Variants in MYO6 observed in about 807,000 individuals in gnomAD.
The protein encoded by MYO6 is myosin VI.
A neutral mutation model predicts 178.7 loss-of-function variants in MYO6; 74 were observed. That is an observed-to-expected ratio of 0.41 (90% CI 0.34 to 0.50). The LOEUF (loss-of-function observed/expected upper bound fraction) is 0.50. Among genes scored for constraint, MYO6 ranks in the 20% least tolerant of loss-of-function variants. MYO6 has a pLI of 0.09. For missense variants in MYO6, 1,330 were observed against 1,547.4 expected (o/e 0.86, Z 2.36); for synonymous variants, 477 against 504.6 (o/e 0.95, Z 0.73).
intron 1 of MYO6, among the ~76,000 whole-genome samples, chr6:75,753,020 A>G (rs1582958143): frequency 6.6e-6 from 1 of 152,206 alleles, no homozygotes; most frequent in South Asian, 2.1e-4. Flanking sequence ...TTAAATTGTC[A>G]CTTAGAAACT....
chr6:75,773,420 C>G (rs1184766107), intron 1 of MYO6, among the ~76,000 whole-genome samples: 1 of 152,176 alleles, frequency 6.6e-6, no homozygotes, highest in Non-Finnish European at 1.5e-5. Context: ...GTGATTCAGA[C>G]ATGTTTCAAA....
chr6:75,776,320 G>A (rs1301423679), intron 1 of MYO6, among the ~76,000 whole-genome samples: 2 of 152,142 alleles, frequency 1.3e-5, no homozygotes, highest in Non-Finnish European at 2.9e-5. Flanking sequence ...CTCAGAGGTG[G>A]TAAGATTGGG....
chr6:75,907,950 A>C (rs1780467533), intron 31 of MYO6, among the ~76,000 whole-genome samples: 2 of 152,198 alleles, frequency 1.3e-5, no homozygotes, highest in Non-Finnish European at 2.9e-5. Context: ...GTAAAATACT[A>C]TATCCAGAGG....
At chr6:75,777,220 A>G (rs1371618620) in intron 1 of MYO6, among the ~76,000 whole-genome samples, 1 of 152,198 alleles carries the variant, frequency 6.6e-6, no homozygotes, top group Non-Finnish European at 1.5e-5. Context: ...TTAAGGGTAC[A>G]TATCAGAATT....
intron 16 of MYO6, among the ~76,000 whole-genome samples, chr6:75,863,399 A>G (rs1349310570): frequency 6.6e-6 from 1 of 151,946 alleles, no homozygotes; most frequent in East Asian, 1.9e-4. Flanking sequence ...TAGAGAGATT[A>G]GGTAGAGTAA....
chr6:75,776,248 CA>C (rs1245717056), intron 1 of MYO6, among the ~76,000 whole-genome samples: 1 of 150,768 alleles, frequency 6.6e-6, no homozygotes, highest in Non-Finnish European at 1.5e-5. Flanking sequence ...AATATATTGT[CA>C]CTTTTTAAAT....
intron 1 of MYO6, among the ~76,000 whole-genome samples, chr6:75,811,340 T>G (rs1413780056): frequency 6.6e-6 from 1 of 152,240 alleles, no homozygotes; most frequent in Admixed American, 6.5e-5. Context: ...TCAGCTCTCT[T>G]GTGGTTGCTG....
At chr6:75,826,698 C>G (rs1053275468) in intron 3 of MYO6, among the ~76,000 whole-genome samples, 2 of 152,134 alleles carry the variant, frequency 1.3e-5, no homozygotes, top group African/African-American at 4.8e-5. Context: ...GCCTAACCCT[C>G]TCTATATCCT....
At chr6:75,913,294 T>A (rs1422087367) in intron 33 of MYO6, among the ~76,000 whole-genome samples, 4 of 152,284 alleles carry the variant, frequency 2.6e-5, no homozygotes, top group African/African-American at 9.6e-5. Context: ...GAATGAAAGA[T>A]TGATATGAAT....
chr6:75,781,586 C>T (rs925234182), intron 1 of MYO6, among the ~76,000 whole-genome samples: 22 of 152,168 alleles, frequency 1.4e-4, no homozygotes, highest in African/African-American at 4.3e-4. Flanking sequence ...GCATGTGTTT[C>T]CTCCAGTGTC....
Position 75,917,052 on chromosome 6 carries a change from A to G in MYO6, c.*2040A>G, listed in dbSNP as rs1236559418. 1 of 152,314 alleles carries G rather than the reference A, an allele frequency of 6.6e-6. No homozygotes were observed. The highest frequency in any genetic ancestry group is 1.5e-5 in the Non-Finnish European group (1 of 68,052). 9.4% of individuals were successfully genotyped at this position (152,314 alleles called of 1,614,324 possible). ...AATTCAGATAGATTTACAGTAACCTACGTACAGTAGATGCACATACACACA... is the reference window on the plus strand; with the variant it reads ...AATTCAGATAGATTTACAGTAACCTGCGTACAGTAGATGCACATACACACA... On this transcript the variant is annotated 3_prime_UTR_variant, in exon 35 of 35. Coordinates refer to ENST00000369977, the MANE Select transcript of MYO6 (RefSeq NM_004999.4).
intron 2 of MYO6, among the ~76,000 whole-genome samples, chr6:75,820,897 A>G (rs553584881): frequency 4.6e-5 from 7 of 152,200 alleles, no homozygotes; most frequent in African/African-American, 1.7e-4. Flanking sequence ...TCCCTACTAG[A>G]CTATGTAATC....
chr6:75,772,426 A>C (rs1305672667), intron 1 of MYO6, among the ~76,000 whole-genome samples: 2 of 152,132 alleles, frequency 1.3e-5, no homozygotes, highest in East Asian at 3.8e-4. Context: ...TTCGTAGTTC[A>C]ATTAGAAAAC....
chr6:75,857,650 G>A (rs1344423787), intron 13 of MYO6, among the ~76,000 whole-genome samples: 2 of 152,078 alleles, frequency 1.3e-5, no homozygotes, highest in African/African-American at 4.8e-5. Context: ...GTAGAGCTGG[G>A]GATAGGTTGA....
chr6:75,859,384 C>T (rs973868314), intron 14 of MYO6, among the ~76,000 whole-genome samples: 7 of 151,876 alleles, frequency 4.6e-5, no homozygotes, highest in African/African-American at 1.7e-4. Context: ...ACTGCAGCCT[C>T]CGTTTCCCGG....
intron 20 of MYO6, among the ~76,000 whole-genome samples, chr6:75,873,677 C>A (rs1406896408): frequency 6.6e-6 from 1 of 152,204 alleles, no homozygotes; most frequent in Admixed American, 6.5e-5. Context: ...TGAAAACTCT[C>A]TAACAGCAAA....
chr6:75,762,230 C>T (rs1778017495), intron 1 of MYO6, among the ~76,000 whole-genome samples: 3 of 152,182 alleles, frequency 2.0e-5, no homozygotes. Context: ...CCACTGTGCC[C>T]CCGGCCATAA....
chr6:75,903,737 A>T (rs892185796), intron 30 of MYO6, among the ~76,000 whole-genome samples: 20 of 151,610 alleles, frequency 1.3e-4, no homozygotes, highest in African/African-American at 4.9e-4. Context: ...ATTTAAAGTT[A>T]ATATTGTTAT....
chr6:75,889,850 C>T (rs1253510867), intron 25 of MYO6, among the ~76,000 whole-genome samples: 2 of 152,206 alleles, frequency 1.3e-5, no homozygotes, highest in East Asian at 1.9e-4. Context: ...GTAAAGATAA[C>T]GGACGTATTG....
Sources: allele counts gnomAD v4.1 joint callset (sites outside exome capture counted in the v4.1 genomes callset), GRCh38; gene constraint gnomAD v4.1.1; transcripts MANE v1.5; gene names NCBI Gene and HGNC (gene_info 2026-07-23, HGNC 2026-07-21).